GLIS3: variants seen among roughly 807,000 people sequenced by gnomAD.
GLIS3 encodes GLIS family zinc finger 3.
In GLIS3, 53 loss-of-function variants were observed where a neutral mutation model predicts 78.6. The observed-to-expected ratio is 0.67, with a 90% CI of 0.54 to 0.85. The LOEUF (loss-of-function observed/expected upper bound fraction) is 0.85, where lower values mean the gene tolerates loss of function less well. GLIS3 is among the 40% of genes least tolerant of loss of function. The pLI is 0.00. For missense variants in GLIS3, 1,703 were observed against 1,231.1 expected (o/e 1.38, Z -5.74); for synonymous variants, 684 against 509.9 (o/e 1.34, Z -4.60).
intron 4 of GLIS3, among the ~76,000 whole-genome samples, chr9:4,055,925 G>T (rs1462104364): frequency 5.3e-5 from 8 of 152,180 alleles, no homozygotes; most frequent in African/African-American, 9.7e-5. Context: ...AGGAAGGAAG[G>T]AAGTCTATAT....
chr9:4,340,472 C>A (rs1817818613), intron 2 of GLIS3, among the ~76,000 whole-genome samples: 1 of 152,120 alleles, frequency 6.6e-6, no homozygotes, highest in Non-Finnish European at 1.5e-5. Flanking sequence ...GGGGCAAATT[C>A]CTCATCTTTC....
chr9:4,195,682 G>T (rs566036558), intron 2 of GLIS3, among the ~76,000 whole-genome samples: 3 of 152,384 alleles, frequency 2.0e-5, no homozygotes, highest in Admixed American at 2.0e-4. Context: ...TGGCACTGGC[G>T]GGCAGCTCCG....
At chr9:4,311,516 C>T (rs948418531) in intron 2 of GLIS3, among the ~76,000 whole-genome samples, 9 of 152,288 alleles carry the variant, frequency 5.9e-5, no homozygotes, top group African/African-American at 1.7e-4. Context: ...CAGAGAAATC[C>T]ATTACACAAT....
chr9:4,274,012 C>A (rs1334386680), intron 2 of GLIS3, among the ~76,000 whole-genome samples: 1 of 152,168 alleles, frequency 6.6e-6, no homozygotes, highest in Non-Finnish European at 1.5e-5. Context: ...TCTCCTACTC[C>A]AGGACATGTG....
chr9:4,153,703 G>C (rs1051502339), intron 2 of GLIS3, among the ~76,000 whole-genome samples: 1 of 152,176 alleles, frequency 6.6e-6, no homozygotes, highest in Non-Finnish European at 1.5e-5. Flanking sequence ...GATGAAAAGA[G>C]ATCAATAAAT....
the GLIS3 span, among the ~76,000 whole-genome samples, chr9:4,394,080 T>TA: frequency 4.0e-5 from 6 of 151,200 alleles, no homozygotes; most frequent in African/African-American, 9.7e-5. Flanking sequence ...ATTTGTCTCT[T>TA]AAAAAAAAGA....
intron 9 of GLIS3, among the ~76,000 whole-genome samples, chr9:3,840,597 T>C (rs1038989368): frequency 1.3e-5 from 2 of 152,190 alleles, no homozygotes; most frequent in African/African-American, 4.8e-5. Context: ...AGGAAGATAA[T>C]GGAAATAATA....
At chr9:4,227,635 G>C (rs1175088727) in intron 2 of GLIS3, among the ~76,000 whole-genome samples, 2 of 152,176 alleles carry the variant, frequency 1.3e-5, no homozygotes, top group Non-Finnish European at 2.9e-5. Context: ...AATGTATAAA[G>C]TCTTGGGATA....
intron 8 of GLIS3, among the ~76,000 whole-genome samples, chr9:3,868,159 T>G (rs745795380): frequency 6.6e-6 from 1 of 152,270 alleles, no homozygotes. Context: ...TGTTTCTGTA[T>G]GTGTCAGAAA....
intron 2 of GLIS3, among the ~76,000 whole-genome samples, chr9:4,169,227 G>C (rs543667935): frequency 2.0e-5 from 3 of 152,092 alleles, no homozygotes; most frequent in Admixed American, 2.0e-4. Context: ...GAAAGCATGA[G>C]GAAAGTCATC....
At chr9:3,855,957 A>G in intron 9 of GLIS3, 52 bp downstream of exon 9, 1 of 1,559,044 alleles carries the variant, frequency 6.4e-7, no homozygotes, top group Non-Finnish European at 8.8e-7. Flanking sequence ...ATGAAAAGCA[A>G]CAGCACAATG....
intron 6 of GLIS3, among the ~76,000 whole-genome samples, chr9:3,928,001 G>C (rs1473141058): frequency 6.6e-6 from 1 of 152,222 alleles, no homozygotes; most frequent in Non-Finnish European, 1.5e-5. Context: ...TCAAATGAGA[G>C]CATCAGGATA....
chr9:4,089,113 T>A (rs1271281341), intron 4 of GLIS3, among the ~76,000 whole-genome samples: 1 of 152,242 alleles, frequency 6.6e-6, no homozygotes, highest in Admixed American at 6.5e-5. Flanking sequence ...GTCCCAAATA[T>A]TTTGATGTGG....
chr9:4,180,923 G>A (rs990505561), intron 2 of GLIS3, among the ~76,000 whole-genome samples: 1 of 152,188 alleles, frequency 6.6e-6, no homozygotes, highest in Non-Finnish European at 1.5e-5. Flanking sequence ...TTTGCTCCAT[G>A]ACTGCCACCA....
intron 2 of GLIS3, among the ~76,000 whole-genome samples, chr9:4,336,410 G>A (rs1035796545): frequency 4.6e-5 from 7 of 152,186 alleles, no homozygotes; most frequent in African/African-American, 1.7e-4. Flanking sequence ...AATACTCTGG[G>A]TGGCAGTTCT....
At chr9:4,124,810 G>A (rs1832450136) in intron 3 of GLIS3, among the ~76,000 whole-genome samples, 1 of 152,206 alleles carries the variant, frequency 6.6e-6, no homozygotes, top group Non-Finnish European at 1.5e-5. Context: ...AGAAGAGGAA[G>A]CAGGGGCTTA....
At chr9:4,170,706 G>A (rs1047375617) in intron 2 of GLIS3, among the ~76,000 whole-genome samples, 6 of 152,148 alleles carry the variant, frequency 3.9e-5, no homozygotes, top group Non-Finnish European at 7.3e-5. Flanking sequence ...GAAAGACTTC[G>A]AAAGGCAAGG....
At chr9:3,932,538 C>G in intron 5 of GLIS3, 68 bp from the exon 6 acceptor site, 1 of 1,148,810 alleles carries the variant, frequency 8.7e-7, no homozygotes, top group Non-Finnish European at 1.3e-6. Flanking sequence ...ATGTTTTACT[C>G]AAAGACTATT....
chr9:4,148,047 G>A (rs1206443257), intron 2 of GLIS3, among the ~76,000 whole-genome samples: 3 of 152,112 alleles, frequency 2.0e-5, no homozygotes, highest in African/African-American at 7.2e-5. Flanking sequence ...GGTTACCACT[G>A]TATTATGTTT....
Sources: gnomAD v4.1 joint callset for allele counts (sites outside exome capture counted in the v4.1 genomes callset) on GRCh38, gnomAD v4.1.1 for gene constraint, MANE v1.5 for transcripts, NCBI Gene and HGNC (gene_info 2026-07-23, HGNC 2026-07-21) for gene names.